The following DLG2 variants were observed in gnomAD, a reference collection of about 807,000 sequenced individuals.
The protein encoded by DLG2 is discs large MAGUK scaffold protein 2.
In DLG2, 45 loss-of-function variants were observed where a neutral mutation model predicts 132.5. The ratio of observed to expected loss-of-function variants is 0.34; its 90% CI spans 0.27 to 0.44. The LOEUF (loss-of-function observed/expected upper bound fraction) is 0.44, where lower values mean the gene tolerates loss of function less well. Ranked by LOEUF, DLG2 falls within the 20% of genes least tolerant of loss-of-function variation. The probability of loss-of-function intolerance (pLI) is 1.00; values close to 1 mark genes in which losing one functional copy is unlikely to be tolerated. For synonymous variants in DLG2, 424 were observed against 419.6 expected, an observed-to-expected ratio of 1.01 and a Z score of -0.13; for missense variants, 1,045 against 1,196.9, an observed-to-expected ratio of 0.87 and a Z score of 1.87.
chr11:85,246,552 C>T (rs967410271), intron 4 of DLG2, among the ~76,000 whole-genome samples: 12 of 151,088 alleles, frequency 7.9e-5, no homozygotes, highest in Non-Finnish European at 1.5e-4. Context: ...CTCACCCCCT[C>T]CCTCCAGCCA....
chr11:85,417,077 G>C (rs2089928291), intron 3 of DLG2, among the ~76,000 whole-genome samples: 1 of 152,104 alleles, frequency 6.6e-6, no homozygotes, highest in South Asian at 2.1e-4. Flanking sequence ...TTGACTGTGA[G>C]TTTGTCATAA....
intron 4 of DLG2, among the ~76,000 whole-genome samples, chr11:85,173,431 T>A (rs2079012732): frequency 6.6e-6 from 1 of 152,150 alleles, no homozygotes; most frequent in Non-Finnish European, 1.5e-5. Flanking sequence ...GCTGATGTAA[T>A]TTATCACCAT....
chr11:83,757,321 A>C (rs1038615072), intron 18 of DLG2, among the ~76,000 whole-genome samples: 1 of 152,204 alleles, frequency 6.6e-6, no homozygotes, highest in African/African-American at 2.4e-5. Context: ...GAATTTATAT[A>C]TTTCAAACAA....
At chr11:84,372,004 G>A (rs180903174) in intron 7 of DLG2, among the ~76,000 whole-genome samples, 119 of 152,300 alleles carry the variant, frequency 7.8e-4, no homozygotes, top group African/African-American at 2.6e-3. Flanking sequence ...CTTGTTAGGT[G>A]TCAGACCTTT....
chr11:83,792,959 C>T (rs1022327770), intron 17 of DLG2, among the ~76,000 whole-genome samples: 1 of 152,046 alleles, frequency 6.6e-6, no homozygotes, highest in Non-Finnish European at 1.5e-5. Context: ...ACATATACCT[C>T]GACATTTGAC....
chr11:83,608,999 C>A (rs2059735300), intron 19 of DLG2, among the ~76,000 whole-genome samples: 1 of 152,110 alleles, frequency 6.6e-6, no homozygotes, highest in African/African-American at 2.4e-5. Context: ...TCAGCACATT[C>A]AAACAGAAGC....
chr11:83,895,375 GTC>G (rs1470983582), intron 15 of DLG2, among the ~76,000 whole-genome samples: 1 of 152,012 alleles, frequency 6.6e-6, no homozygotes, highest in African/African-American at 2.4e-5. Context: ...GGTCAGGCTG[GTC>G]TTGAACTCCT....
intron 6 of DLG2, among the ~76,000 whole-genome samples, chr11:84,706,298 CA>C (rs1422487150): frequency 2.0e-5 from 3 of 151,768 alleles, no homozygotes; most frequent in African/African-American, 7.2e-5. Context: ...AATTCAGAGC[CA>C]AAAGCAACTA....
intron 6 of DLG2, among the ~76,000 whole-genome samples, chr11:84,631,834 T>G (rs2154543864): frequency 6.6e-6 from 1 of 152,230 alleles, no homozygotes; most frequent in East Asian, 1.9e-4. Flanking sequence ...TAGGCACAAA[T>G]TTTGGTTCTG....
chr11:85,427,399 G>T (rs1372076499), intron 3 of DLG2, among the ~76,000 whole-genome samples: 2 of 152,186 alleles, frequency 1.3e-5, no homozygotes, highest in Non-Finnish European at 2.9e-5. Flanking sequence ...ACCCACAAAG[G>T]GAAGGCCATC....
intron 14 of DLG2, among the ~76,000 whole-genome samples, chr11:83,945,924 C>T (rs912732843): frequency 6.8e-6 from 1 of 148,000 alleles, no homozygotes; most frequent in Non-Finnish European, 1.5e-5. Flanking sequence ...TTCTTTCCTT[C>T]CTTCCTTCCG....
At chr11:84,045,936 T>C (rs573046127) in intron 11 of DLG2, among the ~76,000 whole-genome samples, 5 of 151,356 alleles carry the variant, frequency 3.3e-5, no homozygotes, top group Non-Finnish European at 5.9e-5. Flanking sequence ...ACAAGATTAA[T>C]GGAAAATTTT....
At chr11:84,552,351 A>C (rs1403336324) in intron 6 of DLG2, among the ~76,000 whole-genome samples, 1 of 152,052 alleles carries the variant, frequency 6.6e-6, no homozygotes, top group Admixed American at 6.6e-5. Flanking sequence ...CATTCCCCAA[A>C]ATCTAGAATT....
At chr11:84,560,026 C>T (rs1228656905) in intron 6 of DLG2, among the ~76,000 whole-genome samples, 1 of 152,070 alleles carries the variant, frequency 6.6e-6, no homozygotes, top group Non-Finnish European at 1.5e-5. Context: ...TATAGGTATG[C>T]TGGAGTATCT....
At chr11:84,480,293 C>G (rs1365227447) in intron 7 of DLG2, among the ~76,000 whole-genome samples, 2 of 152,104 alleles carry the variant, frequency 1.3e-5, no homozygotes, top group Non-Finnish European at 2.9e-5. Context: ...GAGTGAGTGA[C>G]TTTCTGAGGC....
At chr11:84,842,602 T>C (rs893211004) in intron 6 of DLG2, among the ~76,000 whole-genome samples, 14 of 151,912 alleles carry the variant, frequency 9.2e-5, no homozygotes, top group African/African-American at 3.4e-4. Flanking sequence ...AGCACTTCAA[T>C]AGTTAGAGAA....
chr11:84,011,807 A>G (rs145173495), intron 11 of DLG2, among the ~76,000 whole-genome samples: 58 of 152,248 alleles, frequency 3.8e-4, no homozygotes, highest in African/African-American at 1.4e-3. Context: ...CTTGGCACTA[A>G]AAAACACTAC....
chr11:85,462,540 C>G (rs1488449782), intron 3 of DLG2, among the ~76,000 whole-genome samples: 2 of 152,056 alleles, frequency 1.3e-5, no homozygotes, highest in Non-Finnish European at 2.9e-5. Context: ...TCTCAGCAAA[C>G]TATCACAAGG....
Position 84,343,853 on chromosome 11 carries a change from A to G in DLG2, c.520-92562T>C, listed in dbSNP as rs2098526890. On this transcript the variant is annotated intron_variant, in intron 7 of 27. Transcript: ENST00000376104. Reference sequence around the variant, plus strand: ...CCTAATATAGACATTCATCAGTAAAAAATTGTCTTGAAATATTATTTCTTC... The same window carrying G: ...CCTAATATAGACATTCATCAGTAAAGAATTGTCTTGAAATATTATTTCTTC... Among the ~76,000 whole-genome samples, 2 of 152,210 alleles carry G rather than the reference A, an allele frequency of 1.3e-5. 1 individual carries two copies. The highest frequency in any genetic ancestry group is 1.3e-4 in the Admixed American group (2 of 15,272).
Sources: gnomAD v4.1 joint callset for allele counts (sites outside exome capture counted in the v4.1 genomes callset) on GRCh38, gnomAD v4.1.1 for gene constraint, MANE v1.5 for transcripts, NCBI Gene and HGNC (gene_info 2026-07-23, HGNC 2026-07-21) for gene names.